Variants in FAM221B observed in about 807,000 individuals in gnomAD.
FAM221B encodes family with sequence similarity 221 member B.
Under a neutral mutation model 39.8 loss-of-function variants are expected in FAM221B, and 35 were observed. That is an observed-to-expected ratio of 0.88 (90% CI 0.67 to 1.17). The LOEUF (loss-of-function observed/expected upper bound fraction) is 1.17, where lower values mean the gene tolerates loss of function less well. Among genes scored for constraint, FAM221B ranks in the 50% most tolerant of loss-of-function variants. FAM221B has a pLI of 0.00. For synonymous variants in FAM221B, 158 were observed against 178.1 expected, an observed-to-expected ratio of 0.89 and a Z score of 0.90; for missense variants, 479 against 503.1, an observed-to-expected ratio of 0.95 and a Z score of 0.46.
intron 3 of FAM221B, among the ~76,000 whole-genome samples, chr9:35,822,709 T>A (rs1829178019): frequency 6.6e-6 from 1 of 152,130 alleles, no homozygotes; most frequent in African/African-American, 2.4e-5. Flanking sequence ...GCTCGGCCTG[T>A]TAGCATTTCT....
rs1242803409 is a variant in FAM221B, at chr9:35,828,100, T to C, written c.-1+363A>G. ...TGAGGTCAGGAGTTCGAGACCAGCC[T>C]GGCCAACATGGTGAAACCCAGTCTC... is the stretch of plus-strand genomic sequence containing the variant. On this transcript the variant is annotated intron_variant, in intron 1 of 6. Transcript: ENST00000423537. This position sits in a 1 kb window ranked among gnomAD's most constrained non-coding sequence, Gnocchi z 4.5. Among the ~76,000 whole-genome samples, 7 of 152,114 alleles carry C rather than the reference T, an allele frequency of 4.6e-5. No homozygotes were observed. The highest frequency in any genetic ancestry group is 8.8e-5 in the Non-Finnish European group (6 of 68,016).
rs376475023 is a variant in FAM221B at position 35,819,332 on chromosome 9, G to A, written c.916C>T (p.Arg306Cys). 8.5e-5 allele frequency: 132 copies of A among 1,551,722 alleles called. No individual in the cohort carries two copies. Among genetic ancestry groups the A allele is most frequent in the Non-Finnish European group, 1.0e-4 (115 of 1,147,004 alleles). ...CAGAACTCACCCACCTCCTCTGGGC[G>A]TGATGGGATAAAGCAGAACATGAAG... ...RCFMFCFIPS[R>C]PEEVGEFWLK... The change falls in exon 5 of 7, where the codon CGC (arginine) becomes TGC (cysteine). Residue 306 changes from arginine to cysteine, a missense_variant. Physicochemically the swap from Arg to Cys is radical, Grantham distance 180. Coordinates refer to ENST00000423537, the MANE Select transcript of FAM221B (RefSeq NM_001012446.4).
intron 3 of FAM221B, among the ~76,000 whole-genome samples, chr9:35,824,380 A>G (rs932364791): frequency 2.6e-5 from 4 of 152,170 alleles, no homozygotes; most frequent in Admixed American, 2.6e-4. Flanking sequence ...CACTAACAGG[A>G]CTGTCAAGAG....
In FAM221B at chr9:35,825,377, G is replaced by C. The variant is rs1164201586; in HGVS notation, c.599-4C>G. On this transcript the variant is annotated splice_region_variant and splice_polypyrimidine_tract_variant and intron_variant, in intron 2 of 6. Transcript: ENST00000423537. This position sits in a 1 kb window ranked among gnomAD's most constrained non-coding sequence, Gnocchi z 4.2. ...AACACTGGGCGGGCTGTGTTACCTA[G>C]GATGGGAGAGGATGAGTAACCAGGG... 5 of 1,613,836 alleles carry C rather than the reference G, an allele frequency of 3.1e-6. No individual in the cohort carries two copies. The highest frequency in any genetic ancestry group is 4.2e-6 in the Non-Finnish European group (5 of 1,180,020).
At position 35,817,691 on chromosome 9, in the gene FAM221B, T is replaced by C. The variant is rs2132133089; in HGVS notation, c.*778A>G. On this transcript the variant is annotated 3_prime_UTR_variant, in exon 7 of 7. Transcript: ENST00000423537. ...CTCCTGCTCCCTACTCTTATCCCTCTTCCCCTGGACCCCAGCCATTGGCCT... is the reference window on the plus strand; with the variant it reads ...CTCCTGCTCCCTACTCTTATCCCTCCTCCCCTGGACCCCAGCCATTGGCCT... The C allele has an allele frequency of 6.6e-6, 1 of 152,440 alleles. No individual in the cohort carries two copies. The highest frequency in any genetic ancestry group is 6.5e-5 in the Admixed American group (1 of 15,298). 9.4% of individuals were successfully genotyped at this position (152,440 alleles called of 1,614,324 possible).
At chr9:35,826,780 AC>A (rs1829381518) in intron 1 of FAM221B, 1 of 152,286 alleles carries the variant, frequency 6.6e-6, no homozygotes. Context: ...TGTACTTCAC[AC>A]TCATACCCAC....
Position 35,819,296 on chromosome 9 carries a change from G to A in FAM221B, c.952C>T (p.Arg318Trp), listed in dbSNP as rs1390122784. 41 of 1,551,616 alleles carry A rather than the reference G, an allele frequency of 2.6e-5. No homozygotes were observed. The highest frequency in any genetic ancestry group is 1.7e-4 in the Middle Eastern group (1 of 6,014). Residue 318 changes from arginine to tryptophan, a missense_variant, in exon 5 of 7, where the codon CGG (arginine) becomes TGG (tryptophan). Transcript: ENST00000423537. ...EEVGEFWLKRRATFDPKAWRA... is the reference protein window; with the variant it reads ...EEVGEFWLKRWATFDPKAWRA... ...CAGGCCTTGGGGTCAAAGGTGGCCC[G>A]TCTCTTGAGCCAGAACTCACCCACC... is the stretch of plus-strand genomic sequence containing the variant.
chr9:35,823,601 G>T (rs1408675420), intron 3 of FAM221B, among the ~76,000 whole-genome samples: 2 of 151,976 alleles, frequency 1.3e-5, no homozygotes, highest in African/African-American at 2.4e-5. Context: ...AGAAGAAAAA[G>T]AAATACAGTG....
Position 35,819,945 on chromosome 9 carries a change from C to T in FAM221B, c.798G>A (p.Gly266=). The change falls in exon 4 of 7, where the codon GGG becomes GGA. Residue 266 remains glycine (G), a synonymous_variant. Coordinates refer to ENST00000423537, the MANE Select transcript of FAM221B (RefSeq NM_001012446.4). ...PHYLWDCFRI[G]DESRCFCGHL... Reference sequence around the variant, plus strand: ...GTCCACAAAAGCATCTGGACTCATCCCCAATCCGGAAACAGTCCCATAGGT... The same window carrying T: ...GTCCACAAAAGCATCTGGACTCATCTCCAATCCGGAAACAGTCCCATAGGT... 6.2e-7 allele frequency: 1 copy of T among 1,610,090 alleles called. No homozygotes were observed. The highest frequency in any genetic ancestry group is 8.5e-7 in the Non-Finnish European group (1 of 1,177,420).
intron 3 of FAM221B, among the ~76,000 whole-genome samples, chr9:35,824,462 C>CA (rs376777217): frequency 3.9e-5 from 6 of 152,146 alleles, no homozygotes; most frequent in African/African-American, 1.2e-4. Flanking sequence ...TAACAGAACT[C>CA]AAAGCTTTTG....
intron 3 of FAM221B, chr9:35,821,447 G>A (rs201786886): frequency 1.1e-5 from 15 of 1,367,866 alleles, no homozygotes; most frequent in Non-Finnish European, 1.5e-5. Flanking sequence ...CCCATAGTCT[G>A]TCAGGATCTA....
At chr9:35,824,765 T>A (rs1303996541) in intron 3 of FAM221B, among the ~76,000 whole-genome samples, 1 of 149,900 alleles carries the variant, frequency 6.7e-6, no homozygotes, top group Non-Finnish European at 1.5e-5. Context: ...CACTGCAAGC[T>A]CCACCTCCCG....
At position 35,818,966 on chromosome 9, in the gene FAM221B, G is replaced by A; in HGVS notation, c.1095C>T (p.Ala365=). ...GCFESNFLCA[A]CDRRWEEHET... The stretch of plus-strand genomic sequence containing the variant: ...CGTGTTCCTCCCAGCGCCGGTCACA[G>A]GCCGCACAGAGGAAATTAGACTCAA... Residue 365 remains alanine (A), a synonymous_variant, in exon 6 of 7, where the codon GCC becomes GCT. Transcript: ENST00000423537. The A allele has an allele frequency of 6.4e-7, 1 of 1,551,736 alleles. No homozygotes were observed. The highest frequency in any genetic ancestry group is 1.2e-5 in the South Asian group (1 of 84,068).
At position 35,816,686 on chromosome 9, in the gene FAM221B, T is replaced by C. The variant is rs1285069682; in HGVS notation, c.*1783A>G. ...GTTATCATGGGGCATATAACCACTGTTGGGGAACTTTGCTTCTAGAGATAT... is the reference window on the plus strand; with the variant it reads ...GTTATCATGGGGCATATAACCACTGCTGGGGAACTTTGCTTCTAGAGATAT... On this transcript the variant is annotated 3_prime_UTR_variant, in exon 7 of 7. Coordinates refer to ENST00000423537, the MANE Select transcript of FAM221B (RefSeq NM_001012446.4). 6.6e-6 allele frequency: 1 copy of C among 152,234 alleles called. No homozygotes were observed. Among genetic ancestry groups the C allele is most frequent in the African/African-American group, 2.4e-5 (1 of 41,460 alleles). 9.4% of individuals were successfully genotyped at this position (152,234 alleles called of 1,614,324 possible). A position where few individuals can be genotyped will look rare whatever the true frequency, so the allele number is the denominator to read the frequency against.
intron 3 of FAM221B, among the ~76,000 whole-genome samples, chr9:35,822,012 ATC>A (rs1407178219): frequency 6.6e-6 from 1 of 152,188 alleles, no homozygotes; most frequent in African/African-American, 2.4e-5. Flanking sequence ...GCATGATGAC[ATC>A]TCTTTATGCA....
intron 3 of FAM221B, among the ~76,000 whole-genome samples, chr9:35,820,465 G>A (rs1479313038): frequency 6.6e-6 from 1 of 152,202 alleles, no homozygotes. Flanking sequence ...CAATGGGATT[G>A]GCTCCTAAGG....
chr9:35,824,897 A>G (rs1410393470), intron 3 of FAM221B, among the ~76,000 whole-genome samples: 2 of 152,018 alleles, frequency 1.3e-5, no homozygotes, highest in Non-Finnish European at 2.9e-5. Flanking sequence ...TACCCAGGAC[A>G]GTCTCGATCT....
chr9:35,825,753 C>T lies in FAM221B; in HGVS notation c.409G>A (p.Val137Ile). The part of the protein sequence containing the change: ...DLSSESSSNE[V>I]PWTRRSTHLS... The stretch of plus-strand genomic sequence containing the variant: ...TGGGTAGACCTCCTTGTCCATGGGA[C>T]CTCATTGGAAGAAGACTCAGAGGAG... Residue 137 changes from valine to isoleucine, a missense_variant, in exon 2 of 7, where the codon GTC becomes ATC. Coordinates refer to ENST00000423537, the MANE Select transcript of FAM221B (RefSeq NM_001012446.4). This position sits in a 1 kb window ranked among gnomAD's most constrained non-coding sequence, Gnocchi z 4.2. 1 of 1,614,114 alleles carries T rather than the reference C, an allele frequency of 6.2e-7. No individual in the cohort carries two copies. The highest frequency in any genetic ancestry group is 8.5e-7 in the Non-Finnish European group (1 of 1,180,020).
In FAM221B at chr9:35,816,436, G is replaced by C. The variant is rs1379969323; in HGVS notation, c.*2033C>G. 3 of 149,268 alleles carry C rather than the reference G, an allele frequency of 2.0e-5. No individual in the cohort carries two copies. The highest frequency in any genetic ancestry group is 7.4e-5 in the African/African-American group (3 of 40,480). 9.2% of individuals were successfully genotyped at this position (149,268 alleles called of 1,614,324 possible). ...AACACATGACCTGATACATATAGGT[G>C]GTCAGTAATTGTTGAATGAATAACA... is the stretch of plus-strand genomic sequence containing the variant. On this transcript the variant is annotated 3_prime_UTR_variant, in exon 7 of 7. Transcript: ENST00000423537.
Sources: allele counts gnomAD v4.1 joint callset (sites outside exome capture counted in the v4.1 genomes callset), GRCh38; gene constraint gnomAD v4.1.1; non-coding constraint Gnocchi (gnomAD v3.1); transcripts MANE v1.5; gene names NCBI Gene and HGNC (gene_info 2026-07-23, HGNC 2026-07-21).